Variants in TRIM62 observed in about 807,000 individuals in gnomAD.
TRIM62 encodes E3 ubiquitin-protein ligase TRIM62.
Under a neutral mutation model 44.2 loss-of-function variants are expected in TRIM62, and 39 were observed. The ratio of observed to expected loss-of-function variants is 0.88; its 90% CI spans 0.68 to 1.15. The LOEUF (loss-of-function observed/expected upper bound fraction) is 1.15. Among genes scored for constraint, TRIM62 ranks in the 50% most tolerant of loss-of-function variants. TRIM62 has a pLI of 0.00. For missense variants in TRIM62, 544 were observed against 665.5 expected (o/e 0.82, Z 2.01); for synonymous variants, 278 against 292.3 (o/e 0.95, Z 0.50).
At chr1:33,160,387 T>G (rs1645248461) in intron 2 of TRIM62, among the ~76,000 whole-genome samples, 1 of 152,008 alleles carries the variant, frequency 6.6e-6, no homozygotes, top group Non-Finnish European at 1.5e-5. Flanking sequence ...TAGTGAAGTC[T>G]TTATTTTTTT....
intron 1 of TRIM62, among the ~76,000 whole-genome samples, chr1:33,178,691 C>T (rs1645439395): frequency 6.6e-6 from 1 of 152,246 alleles, no homozygotes; most frequent in East Asian, 1.9e-4. Flanking sequence ...CATGAAGTGA[C>T]TCACCAAGGT....
At chr1:33,158,483 G>T in intron 3 of TRIM62, 115 bp from the exon 4 acceptor site, 1 of 757,324 alleles carries the variant, frequency 1.3e-6, no homozygotes, top group Admixed American at 2.1e-5. Context: ...TGAGTGAGAA[G>T]TCTGTGGGAC....
chr1:33,155,906 T>C (rs900067865), intron 4 of TRIM62, among the ~76,000 whole-genome samples: 1 of 152,224 alleles, frequency 6.6e-6, no homozygotes, highest in African/African-American at 2.4e-5. Context: ...TTCTTCTCTA[T>C]CTGCAAACCT....
intron 2 of TRIM62, among the ~76,000 whole-genome samples, chr1:33,160,390 A>AT (rs1557755629): frequency 2.0e-5 from 3 of 151,330 alleles, no homozygotes; most frequent in South Asian, 2.1e-4. Flanking sequence ...TGAAGTCTTT[A>AT]TTTTTTTTGC....
At chr1:33,155,049 C>T (rs1393006639) in intron 4 of TRIM62, among the ~76,000 whole-genome samples, 3 of 144,980 alleles carry the variant, frequency 2.1e-5, no homozygotes, top group East Asian at 2.2e-4. Flanking sequence ...GCCGAGATCG[C>T]GCCACTGCAC....
chr1:33,159,979 G>C lies in TRIM62; in HGVS notation c.505-35C>G. ...ACAGTCGTCAGGGGTTATGGCTGGG[G>C]GAGCAGATGGGGTGATCTCTGGGTG... On this transcript the variant is annotated intron_variant, in intron 2 of 4. Transcript: ENST00000291416. The surrounding 1 kb of genome is among the most constrained non-coding windows in gnomAD (Gnocchi z 4.2). The C allele has an allele frequency of 6.3e-7, 1 of 1,586,842 alleles. No individual in the cohort carries two copies. The highest frequency in any genetic ancestry group is 8.6e-7 in the Non-Finnish European group (1 of 1,169,082).
chr1:33,169,401 G>A (rs1052366681), intron 1 of TRIM62, among the ~76,000 whole-genome samples: 3 of 152,288 alleles, frequency 2.0e-5, no homozygotes, highest in East Asian at 1.9e-4. Context: ...CCTCTGGTTC[G>A]GTTTTTATCA....
rs576368311 is a variant in TRIM62, at chr1:33,161,506, C to T, written c.505-1562G>A. On this transcript the variant is annotated intron_variant, in intron 2 of 4. Coordinates refer to ENST00000291416, the MANE Select transcript of TRIM62 (RefSeq NM_018207.3). The surrounding 1 kb of genome is among the most constrained non-coding windows in gnomAD (Gnocchi z 4.3). ...CAATTAGGGCCTGTTCCCTCCCCGA[C>T]GCGCGGCTGCTGGCCTGCAGGAAGA... Among the ~76,000 whole-genome samples, 43 of 152,300 alleles carry T rather than the reference C, an allele frequency of 2.8e-4. No homozygotes were observed. The highest frequency in any genetic ancestry group is 9.1e-4 in the African/African-American group (38 of 41,562).
chr1:33,181,705 C>T lies in TRIM62; in HGVS notation c.-273G>A, dbSNP rs1015700255. 37 of 480,026 alleles carry T rather than the reference C, an allele frequency of 7.7e-5. No individual in the cohort carries two copies. The highest frequency in any genetic ancestry group is 7.3e-4 in the African/African-American group (35 of 47,708). The allele number at this position is 480,026 out of a possible 1,614,324, so 29.7% of individuals were successfully genotyped here. A position where few individuals can be genotyped will look rare whatever the true frequency, so the allele number is the denominator to read the frequency against. On this transcript the variant is annotated 5_prime_UTR_variant, in exon 1 of 5. Transcript: ENST00000291416. The surrounding 1 kb of genome is among the most constrained non-coding windows in gnomAD (Gnocchi z 6.5). ...ATGGGCGCTGGGAGGAGGCTGTGAG[C>T]GGCTGAGGGACGGAGATCCTGACGG...
At chr1:33,157,253 C>T (rs1570306643) in intron 4 of TRIM62, among the ~76,000 whole-genome samples, 1 of 152,148 alleles carries the variant, frequency 6.6e-6, no homozygotes, top group South Asian at 2.1e-4. Context: ...CCTCCAGCCA[C>T]GTTAACCTCC....
chr1:33,161,727 C>G lies in TRIM62; in HGVS notation c.505-1783G>C, dbSNP rs912718497. 2.6e-5 allele frequency among the ~76,000 whole-genome samples: 4 copies of G among 152,204 alleles called. No individual in the cohort carries two copies. The highest frequency in any genetic ancestry group is 9.7e-5 in the African/African-American group (4 of 41,448). ...ATGGGGTCCGTCGTCCCTGCACCAC[C>G]TGGAGCTGCCCTCCACAGGCGCCCA... On this transcript the variant is annotated intron_variant, in intron 2 of 4. Coordinates refer to ENST00000291416, the MANE Select transcript of TRIM62 (RefSeq NM_018207.3). The surrounding 1 kb of genome is among the most constrained non-coding windows in gnomAD (Gnocchi z 4.3).
chr1:33,165,182 C>T lies in TRIM62; in HGVS notation c.504+289G>A. ...GGGGGTTTCCGGAGGGTCCCGGGACCCGCCTCAACTTCCACCCAAAGTGGG... is the reference window on the plus strand; with the variant it reads ...GGGGGTTTCCGGAGGGTCCCGGGACTCGCCTCAACTTCCACCCAAAGTGGG... On this transcript the variant is annotated intron_variant, in intron 2 of 4. Transcript: ENST00000291416. This position sits in a 1 kb window ranked among gnomAD's most constrained non-coding sequence, Gnocchi z 4.0. 3.2e-6 allele frequency: 1 copy of T among 312,806 alleles called. No homozygotes were observed. The highest frequency in any genetic ancestry group is 5.4e-5 in the South Asian group (1 of 18,420). 19.4% of individuals were successfully genotyped at this position (312,806 alleles called of 1,614,324 possible).
chr1:33,159,959 C>A lies in TRIM62; in HGVS notation c.505-15G>T. 6.3e-7 allele frequency: 1 copy of A among 1,595,356 alleles called. No homozygotes were observed. Among genetic ancestry groups the A allele is most frequent in the Non-Finnish European group, 8.5e-7 (1 of 1,174,850 alleles). ...TTGGTGGAAGACTGTGGGGGACAGT[C>A]GTCAGGGGTTATGGCTGGGGGAGCA... On this transcript the variant is annotated splice_polypyrimidine_tract_variant and intron_variant, in intron 2 of 4. Transcript: ENST00000291416. The surrounding 1 kb of genome is among the most constrained non-coding windows in gnomAD (Gnocchi z 4.2).
At chr1:33,155,368 G>T (rs1570301598) in intron 4 of TRIM62, among the ~76,000 whole-genome samples, 1 of 152,042 alleles carries the variant, frequency 6.6e-6, no homozygotes, top group African/African-American at 2.4e-5. Context: ...ACCATGCCCG[G>T]CCTCCCCTGA....
In TRIM62 at chr1:33,150,326, G is replaced by C. The variant is rs558382410; in HGVS notation, c.878-2599C>G. On this transcript the variant is annotated intron_variant, in intron 4 of 4. Coordinates refer to ENST00000291416, the MANE Select transcript of TRIM62 (RefSeq NM_018207.3). The stretch of plus-strand genomic sequence containing the variant: ...TTCAGTTGCCTCTGTTGGCTGCACT[G>C]ATGTGCAGAAATAAGATGCCTCAAT... 2.6e-5 allele frequency among the ~76,000 whole-genome samples: 4 copies of C among 152,336 alleles called. No individual in the cohort carries two copies. In the East Asian group the frequency reaches 5.8e-4, roughly 22 times the overall value.
chr1:33,179,617 G>A (rs1159410818), intron 1 of TRIM62, among the ~76,000 whole-genome samples: 1 of 151,958 alleles, frequency 6.6e-6, no homozygotes, highest in Non-Finnish European at 1.5e-5. Flanking sequence ...TCATTCTTTC[G>A]TTCATTCATT....
At chr1:33,175,334 G>A (rs951890311) in intron 1 of TRIM62, among the ~76,000 whole-genome samples, 6 of 151,954 alleles carry the variant, frequency 3.9e-5, no homozygotes, top group South Asian at 2.1e-4. Context: ...GGGCCACTGC[G>A]CCCAGCCCAG....
At chr1:33,170,998 C>T (rs1262242459) in intron 1 of TRIM62, among the ~76,000 whole-genome samples, 2 of 152,172 alleles carry the variant, frequency 1.3e-5, no homozygotes, top group Non-Finnish European at 2.9e-5. Context: ...GTGTCTTCAT[C>T]CCTCACTGTG....
chr1:33,181,023 A>C lies in TRIM62; in HGVS notation c.408+2T>G. The C allele has an allele frequency of 2.3e-6, 3 of 1,323,612 alleles. No homozygotes were observed. The highest frequency in any genetic ancestry group is 3.0e-6 in the Non-Finnish European group (3 of 1,011,682). 82.0% of individuals were successfully genotyped at this position (1,323,612 alleles called of 1,614,324 possible). A position where few individuals can be genotyped will look rare whatever the true frequency, so the allele number is the denominator to read the frequency against. ...CTTCCCCAGGCAGGCCGGGTAGCGC[A>C]CCTGCAGCTCGTCGAAGGCGTCGTC... On this transcript the variant is annotated splice_donor_variant, in intron 1 of 4. Coordinates refer to ENST00000291416, the MANE Select transcript of TRIM62 (RefSeq NM_018207.3). LOFTEE classifies it high-confidence loss of function. This position sits in a 1 kb window ranked among gnomAD's most constrained non-coding sequence, Gnocchi z 6.5.
Sources: allele counts gnomAD v4.1 joint callset (sites outside exome capture counted in the v4.1 genomes callset), GRCh38; gene constraint gnomAD v4.1.1; non-coding constraint Gnocchi (gnomAD v3.1); transcripts MANE v1.5; gene names NCBI Gene and HGNC (gene_info 2026-07-23, HGNC 2026-07-21).